The following PAWR variants were observed in gnomAD, a reference collection of about 807,000 sequenced individuals.
The protein encoded by PAWR is pro-apoptotic WT1 regulator.
Under a neutral mutation model 32.0 loss-of-function variants are expected in PAWR, and 23 were observed. The ratio of observed to expected loss-of-function variants is 0.72; its 90% CI spans 0.52 to 1.02. PAWR has a LOEUF of 1.02. Ranked by LOEUF, PAWR falls within the 50% of genes least tolerant of loss-of-function variation. The pLI, the probability that PAWR is intolerant of heterozygous loss-of-function variation, is 0.00. For missense variants in PAWR, 457 were observed against 437.7 expected (o/e 1.04, Z -0.39); for synonymous variants, 226 against 187.1 (o/e 1.21, Z -1.70).
At chr12:79,648,646 G>T (rs1246719177) in intron 2 of PAWR, among the ~76,000 whole-genome samples, 1 of 148,274 alleles carries the variant, frequency 6.7e-6, no homozygotes, top group East Asian at 2.0e-4. Context: ...AAAATTAGTT[G>T]GGCATGGTGG....
At chr12:79,663,293 T>C (rs1047750001) in intron 2 of PAWR, among the ~76,000 whole-genome samples, 6 of 152,198 alleles carry the variant, frequency 3.9e-5, no homozygotes, top group African/African-American at 1.4e-4. Context: ...TAAGTGTTGA[T>C]GCACACATTT....
At chr12:79,624,807 A>G (rs879349419) in intron 2 of PAWR, among the ~76,000 whole-genome samples, 12 of 152,216 alleles carry the variant, frequency 7.9e-5, no homozygotes, top group Non-Finnish European at 1.2e-4. Context: ...AAATAGATGT[A>G]CCTACCATAT....
chr12:79,666,335 G>C (rs1877602422), intron 2 of PAWR, among the ~76,000 whole-genome samples: 1 of 152,102 alleles, frequency 6.6e-6, no homozygotes, highest in African/African-American at 2.4e-5. Context: ...CTGATGAAAG[G>C]AAATTTCTCT....
chr12:79,617,194 A>C (rs1389370282), intron 3 of PAWR, among the ~76,000 whole-genome samples: 3 of 152,148 alleles, frequency 2.0e-5, no homozygotes, highest in Admixed American at 1.3e-4. Context: ...TCTACTAAAA[A>C]TACAACAATT....
chr12:79,689,556 G>A (rs1878862461), intron 2 of PAWR, among the ~76,000 whole-genome samples, 173 bp downstream of exon 2: 1 of 152,148 alleles, frequency 6.6e-6, no homozygotes, highest in Non-Finnish European at 1.5e-5. Context: ...AACTTCCCAG[G>A]AAGCATTTGT....
At chr12:79,604,432 G>C in intron 4 of PAWR, 1 of 1,028,890 alleles carries the variant, frequency 9.7e-7, no homozygotes, top group Non-Finnish European at 1.2e-6. Flanking sequence ...ACTATCATGA[G>C]AATGAGATTG....
chr12:79,667,906 GTT>G (rs1305207078), intron 2 of PAWR: 6 of 142,226 alleles, frequency 4.2e-5, no homozygotes, highest in Non-Finnish European at 4.6e-5. Context: ...ATTTTTCCTT[GTT>G]TTTTTTTTTT....
chr12:79,677,063 T>C (rs1392185220), intron 2 of PAWR, among the ~76,000 whole-genome samples: 4 of 152,160 alleles, frequency 2.6e-5, no homozygotes, highest in African/African-American at 9.7e-5. Context: ...AAAATCAGAG[T>C]TGTCCAAATC....
intron 2 of PAWR, among the ~76,000 whole-genome samples, chr12:79,672,103 G>A (rs1003987728): frequency 5.9e-5 from 9 of 151,986 alleles, no homozygotes; most frequent in African/African-American, 1.4e-4. Context: ...ACGCAATCCC[G>A]TCTCTCCATG....
chr12:79,672,766 A>T (rs895104330), intron 2 of PAWR, among the ~76,000 whole-genome samples: 1 of 152,104 alleles, frequency 6.6e-6, no homozygotes, highest in Non-Finnish European at 1.5e-5. Context: ...TATTTCAAAC[A>T]TGTACAGCAG....
rs376513649 is a variant in PAWR at position 79,630,993 on chromosome 12, G to T, written c.517-9786C>A. ...TAAAAAAGGACAATGACCAAAATGG[G>T]GTCTATCCCAGTAAAACACTTTGTT... is the stretch of plus-strand genomic sequence containing the variant. On this transcript the variant is annotated intron_variant, in intron 2 of 6. Coordinates refer to ENST00000328827, the MANE Select transcript of PAWR (RefSeq NM_002583.4). Among the ~76,000 whole-genome samples, 5 of 152,084 alleles carry T rather than the reference G, an allele frequency of 3.3e-5. No individual in the cohort carries two copies. In the East Asian group the frequency reaches 7.7e-4, roughly 24 times the overall value.
At chr12:79,626,323 G>T (rs1592510903) in intron 2 of PAWR, among the ~76,000 whole-genome samples, 1 of 148,642 alleles carries the variant, frequency 6.7e-6, no homozygotes, top group Non-Finnish European at 1.5e-5. Context: ...GCAGTGGCGT[G>T]ATCTCGGCTC....
intron 2 of PAWR, among the ~76,000 whole-genome samples, chr12:79,679,862 T>C (rs1457667441): frequency 6.6e-6 from 1 of 152,188 alleles, no homozygotes; most frequent in East Asian, 1.9e-4. Flanking sequence ...CTGAAATCTA[T>C]TCTTTCTTTC....
At chr12:79,628,319 A>G (rs1438385262) in intron 2 of PAWR, among the ~76,000 whole-genome samples, 1 of 152,200 alleles carries the variant, frequency 6.6e-6, no homozygotes, top group Non-Finnish European at 1.5e-5. Context: ...CAGTGTGTAG[A>G]GGTAAATTTA....
Position 79,589,803 on chromosome 12 carries a change from T to C in PAWR, c.*2804A>G, listed in dbSNP as rs1873494418. On this transcript the variant is annotated 3_prime_UTR_variant, in exon 7 of 7. Transcript: ENST00000328827. ...CATAAATACATTAGAACTTTGAATGTGCTTTATTATGCCACAAATTCCCAG... is the reference window on the plus strand; with the variant it reads ...CATAAATACATTAGAACTTTGAATGCGCTTTATTATGCCACAAATTCCCAG... The C allele has an allele frequency of 6.6e-6, 1 of 152,214 alleles. No homozygotes were observed. The highest frequency in any genetic ancestry group is 1.5e-5 in the Non-Finnish European group (1 of 68,026). 9.4% of individuals were successfully genotyped at this position (152,214 alleles called of 1,614,324 possible).
At chr12:79,611,676 G>A (rs1482245465) in intron 4 of PAWR, among the ~76,000 whole-genome samples, 2 of 151,710 alleles carry the variant, frequency 1.3e-5, no homozygotes, top group Admixed American at 6.6e-5. Flanking sequence ...AAAAAATGAT[G>A]GGAAACTTTA....
chr12:79,661,025 T>C (rs1431519779), intron 2 of PAWR, among the ~76,000 whole-genome samples: 1 of 151,272 alleles, frequency 6.6e-6, no homozygotes, highest in Non-Finnish European at 1.5e-5. Flanking sequence ...CCCAGCACTT[T>C]GGGAGGCCGA....
At chr12:79,637,152 T>C (rs937303015) in intron 2 of PAWR, among the ~76,000 whole-genome samples, 2 of 152,136 alleles carry the variant, frequency 1.3e-5, no homozygotes, top group African/African-American at 2.4e-5. Flanking sequence ...TTTGCAAAGC[T>C]TCTTGGGGAA....
At chr12:79,679,993 T>C (rs1878362368) in intron 2 of PAWR, among the ~76,000 whole-genome samples, 1 of 152,226 alleles carries the variant, frequency 6.6e-6, no homozygotes, top group Non-Finnish European at 1.5e-5. Context: ...CCCAAGCCAT[T>C]GTTTTCTATG....
Sources: allele counts gnomAD v4.1 joint callset (sites outside exome capture counted in the v4.1 genomes callset), GRCh38; gene constraint gnomAD v4.1.1; transcripts MANE v1.5; gene names NCBI Gene and HGNC (gene_info 2026-07-23, HGNC 2026-07-21).